SCNN1D: variants seen among roughly 807,000 people sequenced by gnomAD.
SCNN1D encodes the protein epithelial sodium channel subunit delta.
SCNN1D carries 104 observed loss-of-function variants against 87.8 expected under a neutral mutation model. The ratio of observed to expected loss-of-function variants is 1.18; its 90% confidence interval spans 1.01 to 1.39. SCNN1D has a LOEUF of 1.39. Ranked by LOEUF, SCNN1D falls within the 40% of genes most tolerant of loss-of-function variation. The probability of loss-of-function intolerance (pLI) is 0.00; values close to 1 mark genes in which losing one functional copy is unlikely to be tolerated. For synonymous variants in SCNN1D, 628 were observed against 481.2 expected (o/e 1.31, Z -3.99); for missense variants, 1,324 against 1,093.9 (o/e 1.21, Z -2.97).
chr1:1,280,691 C>T, intron 1 of SCNN1D, 25 bp downstream of exon 1: 1 of 701,536 alleles, frequency 1.4e-6, no homozygotes, highest in Non-Finnish European at 2.6e-6. Flanking sequence ...CTTCCCATCA[C>T]AGCTGAGCTA....
intron 5 of SCNN1D, among the ~76,000 whole-genome samples, 177 bp from the exon 6 acceptor site, chr1:1,285,394 T>G (rs1475173155): frequency 2.0e-5 from 3 of 152,208 alleles, no homozygotes; most frequent in Non-Finnish European, 4.4e-5. Flanking sequence ...CCGAGCGGTG[T>G]CCAGGCCAGA....
At position 1,281,590 on chromosome 1, in the gene SCNN1D, C is replaced by T. The variant is rs771423376; in HGVS notation, c.257C>T (p.Pro86Leu). The T allele has an allele frequency of 4.8e-5, 73 of 1,535,540 alleles. No individual in the cohort carries two copies. The highest frequency in any genetic ancestry group is 1.7e-4 in the East Asian group (7 of 40,934). Residue 86 changes from proline to leucine, a missense_variant, in exon 3 of 18, where the codon CCG (proline) becomes CTG (leucine). Pro to Leu is a moderately conservative substitution (Grantham distance 98). Coordinates refer to ENST00000379116, the MANE Select transcript of SCNN1D (RefSeq NM_001130413.4). ...TACCCCCTCTGCCTACTCTCTGGCC[C>T]GATACAGGGGTGTGGGACAGGTGAC... ...CGYPLCLLSG[P>L]IQGCGTGLGD...
intron 12 of SCNN1D, among the ~76,000 whole-genome samples, 162 bp downstream of exon 12, chr1:1,288,199 T>C (rs1287068096): frequency 1.3e-5 from 2 of 150,142 alleles, no homozygotes; most frequent in African/African-American, 4.9e-5. Context: ...CCCCGCTCCA[T>C]TCCCTGTGTC....
rs1640486274 is a variant in SCNN1D at position 1,282,330 on chromosome 1, C to T, written c.351+15C>T. On this transcript the variant is annotated intron_variant, in intron 4 of 17. Coordinates refer to ENST00000379116, the MANE Select transcript of SCNN1D (RefSeq NM_001130413.4). ...AGAGCCGGCAGGCAGGTGACCTCAC[C>T]CTCCTCAGAGCCATGGCTCTGCTGC... is the stretch of plus-strand genomic sequence containing the variant. 6.5e-7 allele frequency: 1 copy of T among 1,549,884 alleles called. No individual in the cohort carries two copies. The highest frequency in any genetic ancestry group is 8.7e-7 in the Non-Finnish European group (1 of 1,146,738).
chr1:1,291,455 G>A lies in SCNN1D; in HGVS notation c.2254G>A (p.Ala752Thr). 1 of 1,608,352 alleles carries A rather than the reference G, an allele frequency of 6.2e-7. No homozygotes were observed. The highest frequency in any genetic ancestry group is 8.5e-7 in the Non-Finnish European group (1 of 1,177,398). ...ASGASSIKPEASQMPPPAGGT... is the reference protein window; with the variant it reads ...ASGASSIKPETSQMPPPAGGT... ...AGGGGCGTCCAGCATCAAGCCAGAG[G>A]CCAGTCAGATGCCCCCGCCTGCAGG... The change falls in exon 18 of 18, where the codon GCC (alanine) becomes ACC (threonine). Residue 752 changes from alanine (A) to threonine (T), a missense_variant. Transcript: ENST00000379116.
chr1:1,290,623 G>A lies in SCNN1D; in HGVS notation c.1860-14G>A. 1 of 1,612,584 alleles carries A rather than the reference G, an allele frequency of 6.2e-7. No individual in the cohort carries two copies. Among genetic ancestry groups the A allele is most frequent in the Non-Finnish European group, 8.5e-7 (1 of 1,179,928 alleles). On this transcript the variant is annotated splice_polypyrimidine_tract_variant and intron_variant, in intron 14 of 17. Transcript: ENST00000379116. Reference sequence around the variant, plus strand: ...CAGGTAGCGTGGCAGGTGACACCCGGCTGTCTCTTCCAGGGAGTCTGCATT... The same window carrying A: ...CAGGTAGCGTGGCAGGTGACACCCGACTGTCTCTTCCAGGGAGTCTGCATT...
chr1:1,281,084 C>T (rs1040390404), intron 1 of SCNN1D, 142 bp from the exon 2 acceptor site: 11 of 791,750 alleles, frequency 1.4e-5, no homozygotes, highest in Middle Eastern at 3.7e-4. Flanking sequence ...CTTGGGCTGC[C>T]TGTCTATTGC....
intron 12 of SCNN1D, among the ~76,000 whole-genome samples, chr1:1,289,495 GTC>G (rs1276700957): frequency 8.2e-5 from 1 of 12,172 alleles, no homozygotes. Flanking sequence ...TCCGTCCCGT[GTC>G]TCTGCTCCGT....
At chr1:1,280,935 C>T (rs570432039) in intron 1 of SCNN1D, 45 of 584,378 alleles carry the variant, frequency 7.7e-5, no homozygotes, top group South Asian at 5.4e-4. Context: ...GCCTGTTCTG[C>T]GGAGGCTCCA....
At chr1:1,286,332 G>A in intron 7 of SCNN1D, 54 bp downstream of exon 7, 2 of 1,394,528 alleles carry the variant, frequency 1.4e-6, no homozygotes, top group East Asian at 2.5e-5. Flanking sequence ...CCTTGCCCCT[G>A]TGACCGTCTC....
intron 12 of SCNN1D, among the ~76,000 whole-genome samples, chr1:1,289,972 G>T (rs1261160523): frequency 1.9e-4 from 2 of 10,732 alleles, no homozygotes; most frequent in Non-Finnish European, 2.5e-4. Context: ...CGTCCCCCGT[G>T]TCTGCTCCGT....
intron 12 of SCNN1D, among the ~76,000 whole-genome samples, chr1:1,288,455 T>C (rs1570609045): frequency 5.1e-5 from 1 of 19,792 alleles, no homozygotes; most frequent in Non-Finnish European, 8.4e-5. Flanking sequence ...CTCTGCTCCG[T>C]CCCCCGTGTC....
chr1:1,281,779 C>T (rs903363392), intron 3 of SCNN1D, 169 bp downstream of exon 3: 47 of 643,460 alleles, frequency 7.3e-5, no homozygotes, highest in Middle Eastern at 4.2e-4. Flanking sequence ...TACAGGAAGC[C>T]GGGGGCCTTG....
rs372317801 is a variant in SCNN1D, at chr1:1,291,589, C to A, written c.2388C>A (p.Pro796=). ...SAEESWAGPQ[P]LETLDT ...AAGAGAGCTGGGCTGGGCCCCAGCCCCTTGAGACTCTGGACACCTGAACCA... is the reference window on the plus strand; with the variant it reads ...AAGAGAGCTGGGCTGGGCCCCAGCCACTTGAGACTCTGGACACCTGAACCA... Residue 796 remains proline, a synonymous_variant, in exon 18 of 18, where the codon CCC becomes CCA. Transcript: ENST00000379116. 10 of 1,546,792 alleles carry A rather than the reference C, an allele frequency of 6.5e-6. No homozygotes were observed. The African/African-American group carries it at 1.4e-4, about 21-fold the overall frequency.
rs774469049 is a variant in SCNN1D at position 1,287,576 on chromosome 1, A to G, written c.1379A>G (p.Gln460Arg). The change falls in exon 10 of 18, where the codon CAG becomes CGG. Residue 460 changes from glutamine to arginine, a missense_variant. Transcript: ENST00000379116. ...ACGGTCGATGGCGTCTGGACAGCTC[A>G]GCGCCCCGGCATCACCCACGGTGGG... ...CYTVDGVWTA[Q>R]RPGITHGVGL... 1.9e-6 allele frequency: 3 copies of G among 1,590,258 alleles called. No individual in the cohort carries two copies. The highest frequency in any genetic ancestry group is 2.6e-6 in the Non-Finnish European group (3 of 1,166,744).
chr1:1,286,976 G>A lies in SCNN1D; in HGVS notation c.1119+1G>A. 2 of 1,610,606 alleles carry A rather than the reference G, an allele frequency of 1.2e-6. No individual in the cohort carries two copies. Among genetic ancestry groups the A allele is most frequent in the Non-Finnish European group, 1.7e-6 (2 of 1,178,496 alleles). On this transcript the variant is annotated splice_donor_variant, in intron 8 of 17. Coordinates refer to ENST00000379116, the MANE Select transcript of SCNN1D (RefSeq NM_001130413.4). LOFTEE classifies it high-confidence loss of function. ...CCGGGTCAGAGTGGGGTTCAGACTG[G>A]TGAGTGTCCCAGCCGGGGCCTGCAG...
At chr1:1,285,231 G>A (rs1199442047) in intron 5 of SCNN1D, among the ~76,000 whole-genome samples, 8 of 152,234 alleles carry the variant, frequency 5.3e-5, no homozygotes, top group East Asian at 1.9e-4. Context: ...CTTGGGCAGC[G>A]GGACAGCCTC....
At chr1:1,288,474 G>A (rs1371195761) in intron 12 of SCNN1D, among the ~76,000 whole-genome samples, 4 of 71,222 alleles carry the variant, frequency 5.6e-5, no homozygotes, top group Non-Finnish European at 2.8e-5. Flanking sequence ...TCTCTGCTCC[G>A]TCCCGTGTCT....
In SCNN1D at chr1:1,286,060, C is replaced by T. The variant is rs1216600848; in HGVS notation, c.693C>T (p.Ala231=). The T allele has an allele frequency of 1.9e-6, 3 of 1,593,424 alleles. No homozygotes were observed. The highest frequency in any genetic ancestry group is 1.3e-5 in the African/African-American group (1 of 74,776). The change falls in exon 7 of 18, where the codon GCC becomes GCT. Residue 231 remains alanine (A), a synonymous_variant. Transcript: ENST00000379116. ...TGCTCACCTTCTTCTGCACCAATGC[C>T]ACCATCCACGGCGCCATCCGCCTGG... The part of the protein sequence containing the change: ...RELLTFFCTN[A]TIHGAIRLVC...
Sources: gnomAD v4.1 joint callset for allele counts (sites outside exome capture counted in the v4.1 genomes callset) on GRCh38, gnomAD v4.1.1 for gene constraint, MANE v1.5 for transcripts, NCBI Gene and HGNC (gene_info 2026-07-23, HGNC 2026-07-21) for gene names.